Variants in NT5M observed in about 807,000 individuals in gnomAD.
NT5M encodes the protein 5',3'-nucleotidase, mitochondrial, also known as 5'(3')-deoxyribonucleotidase, mitochondrial.
Under a neutral mutation model 22.2 loss-of-function variants are expected in NT5M, and 22 were observed. That is an observed-to-expected ratio of 0.99 (90% CI 0.71 to 1.41). The LOEUF is 1.41. NT5M is among the 40% of genes most tolerant of loss of function. The pLI is 0.00. For synonymous variants in NT5M, 167 were observed against 133.0 expected (o/e 1.26, Z -1.76); for missense variants, 322 against 314.8 (o/e 1.02, Z -0.17).
chr17:17,311,309 G>T (rs1285801373), intron 2 of NT5M, among the ~76,000 whole-genome samples: 1 of 150,086 alleles, frequency 6.7e-6, no homozygotes, highest in Non-Finnish European at 1.5e-5. Flanking sequence ...CTGGACTCCA[G>T]CCTGGGCCGA....
chr17:17,339,268 T>A (rs546173289), intron 3 of NT5M, among the ~76,000 whole-genome samples: 1 of 152,294 alleles, frequency 6.6e-6, no homozygotes, highest in East Asian at 1.9e-4. Flanking sequence ...CTTTCTTAAT[T>A]TTTTTTCAGA....
At chr17:17,304,217 T>G (rs1012056941) in intron 1 of NT5M, 28 of 224,148 alleles carry the variant, frequency 1.2e-4, no homozygotes, top group Non-Finnish European at 2.0e-4. Context: ...ATGGGTGTCT[T>G]TACCCATCTT....
chr17:17,342,549 T>C (rs2049666452), intron 3 of NT5M, among the ~76,000 whole-genome samples: 1 of 152,130 alleles, frequency 6.6e-6, no homozygotes, highest in Non-Finnish European at 1.5e-5. Context: ...CAGTGGAAAT[T>C]AAAAAAACAA....
At chr17:17,346,139 C>T (rs1319408627) in intron 4 of NT5M, among the ~76,000 whole-genome samples, 3 of 152,190 alleles carry the variant, frequency 2.0e-5, no homozygotes, top group Admixed American at 2.0e-4. Context: ...TGTACCCACC[C>T]CACCCCACCC....
At chr17:17,337,253 T>C (rs868219904) in intron 3 of NT5M, among the ~76,000 whole-genome samples, 1 of 152,164 alleles carries the variant, frequency 6.6e-6, no homozygotes, top group African/African-American at 2.4e-5. Context: ...TTTTGTTTTG[T>C]GTTGTTGAGA....
chr17:17,315,705 G>C lies in NT5M; in HGVS notation c.369-7480G>C, dbSNP rs369101532. Among the ~76,000 whole-genome samples the C allele has an allele frequency of 3.3e-5, 5 of 151,542 alleles. No homozygotes were observed. The East Asian group carries it at 5.8e-4, about 18-fold the overall frequency. The stretch of plus-strand genomic sequence containing the variant: ...GTTGGGGGTGGCAGGGGTGGGTGGA[G>C]GGTGAAGTTGAAGAGAGATTGATGT... On this transcript the variant is annotated intron_variant, in intron 2 of 4. Transcript: ENST00000389022.
intron 2 of NT5M, among the ~76,000 whole-genome samples, chr17:17,321,989 G>T (rs746039420): frequency 6.6e-6 from 1 of 152,100 alleles, no homozygotes; most frequent in African/African-American, 2.4e-5. Context: ...ATTGGAGGTT[G>T]GGTGTTTGGA....
At chr17:17,323,142 A>T (rs764426367) in intron 2 of NT5M, 43 bp from the exon 3 acceptor site, 3 of 1,564,542 alleles carry the variant, frequency 1.9e-6, no homozygotes, top group Non-Finnish European at 2.6e-6. Flanking sequence ...GGGGTGGTGA[A>T]GTCATGGGGC....
chr17:17,316,450 G>A (rs931169320), intron 2 of NT5M, among the ~76,000 whole-genome samples: 1 of 151,418 alleles, frequency 6.6e-6, no homozygotes, highest in East Asian at 1.9e-4. Flanking sequence ...ATCTTGGCTC[G>A]CTGCAACCTT....
intron 1 of NT5M, among the ~76,000 whole-genome samples, chr17:17,305,541 A>G (rs1168943302): frequency 6.6e-6 from 1 of 152,140 alleles, no homozygotes; most frequent in Non-Finnish European, 1.5e-5. Flanking sequence ...AGTAATAAGC[A>G]CGCATTTGCC....
chr17:17,345,097 C>A, intron 4 of NT5M, 189 bp downstream of exon 4: 1 of 630,552 alleles, frequency 1.6e-6, no homozygotes, highest in Non-Finnish European at 2.0e-6. Flanking sequence ...CTCCTGGGAG[C>A]TGGGAGGAGT....
chr17:17,315,069 A>G (rs552780428), intron 2 of NT5M, among the ~76,000 whole-genome samples: 13 of 152,280 alleles, frequency 8.5e-5, no homozygotes, highest in Admixed American at 8.5e-4. Flanking sequence ...CACATCACAC[A>G]CTCAAAATAT....
rs887258780 is a variant in NT5M, at chr17:17,327,665, G to C, written c.429+4420G>C. ...CCTAAGTAGCTGGGATTACAGGTGCGTGCCACCATGACCAGCTAATTTTTG... is the reference window on the plus strand; with the variant it reads ...CCTAAGTAGCTGGGATTACAGGTGCCTGCCACCATGACCAGCTAATTTTTG... On this transcript the variant is annotated intron_variant, in intron 3 of 4. Transcript: ENST00000389022. Among the ~76,000 whole-genome samples, 2 of 105,932 alleles carry C rather than the reference G, an allele frequency of 1.9e-5. 1 individual carries two copies. The highest frequency in any genetic ancestry group is 4.1e-5 in the Non-Finnish European group (2 of 48,566). The allele number at this position is 105,932 out of a possible 152,430, so 69.5% of individuals were successfully genotyped here. A position where few individuals can be genotyped will look rare whatever the true frequency, so the allele number is the denominator to read the frequency against.
At chr17:17,332,605 G>A (rs574484634) in intron 3 of NT5M, among the ~76,000 whole-genome samples, 1 of 152,234 alleles carries the variant, frequency 6.6e-6, no homozygotes, top group East Asian at 1.9e-4. Context: ...CATCTGGGCT[G>A]AACTATTTTC....
intron 3 of NT5M, among the ~76,000 whole-genome samples, chr17:17,337,136 C>T (rs946768041): frequency 1.3e-5 from 2 of 152,094 alleles, no homozygotes; most frequent in African/African-American, 4.8e-5. Context: ...GGATAAAAGC[C>T]ATTTTGACTG....
At chr17:17,324,500 T>TAA (rs138531841) in intron 3 of NT5M, among the ~76,000 whole-genome samples, 49 of 136,372 alleles carry the variant, frequency 3.6e-4, no homozygotes, top group South Asian at 6.7e-4. Context: ...AAAACTTAAT[T>TAA]TAAAAAAAAA....
chr17:17,337,134 G>A (rs547549742), intron 3 of NT5M, among the ~76,000 whole-genome samples: 16 of 152,244 alleles, frequency 1.1e-4, no homozygotes, highest in African/African-American at 3.9e-4. Context: ...TTGGATAAAA[G>A]CCATTTTGAC....
intron 2 of NT5M, among the ~76,000 whole-genome samples, chr17:17,319,857 A>G (rs1597766500): frequency 1.3e-5 from 2 of 152,136 alleles, no homozygotes; most frequent in East Asian, 3.9e-4. Flanking sequence ...TTCTTTCTTT[A>G]TTTTGAGACG....
intron 2 of NT5M, among the ~76,000 whole-genome samples, chr17:17,308,537 AG>A (rs1567879480): frequency 6.6e-6 from 1 of 152,090 alleles, no homozygotes; most frequent in Non-Finnish European, 1.5e-5. Context: ...GGTTGCAGTG[AG>A]CCAAGATTGC....
Sources: gnomAD v4.1 joint callset for allele counts (sites outside exome capture counted in the v4.1 genomes callset) on GRCh38, gnomAD v4.1.1 for gene constraint, MANE v1.5 for transcripts, NCBI Gene and HGNC (gene_info 2026-07-23, HGNC 2026-07-21) for gene names.